RBM19: variants seen among roughly 807,000 people sequenced by gnomAD.
RBM19 encodes probable RNA-binding protein 19.
RBM19 carries 94 observed loss-of-function variants against 116.8 expected under a neutral mutation model. The observed-to-expected ratio is 0.80, with a 90% confidence interval of 0.68 to 0.95. The LOEUF (loss-of-function observed/expected upper bound fraction) is 0.95, where lower values mean the gene tolerates loss of function less well. Ranked by LOEUF, RBM19 falls within the 40% of genes least tolerant of loss-of-function variation. The pLI, the probability that RBM19 is intolerant of heterozygous loss-of-function variation, is 0.00. For synonymous variants in RBM19, 475 were observed against 494.1 expected (o/e 0.96, Z 0.51); for missense variants, 1,161 against 1,220.7 (o/e 0.95, Z 0.73).
chr12:113,876,607 A>G (rs1879685307), intron 21 of RBM19, among the ~76,000 whole-genome samples: 2 of 152,016 alleles, frequency 1.3e-5, no homozygotes, highest in Admixed American at 6.6e-5. Flanking sequence ...CCTGGGCAAC[A>G]TGGTGAAACC....
rs570940315 is a variant in RBM19 at position 113,923,785 on chromosome 12, G to A, written c.2305+912C>T. 1.1e-4 allele frequency among the ~76,000 whole-genome samples: 17 copies of A among 152,286 alleles called. No homozygotes were observed. In the South Asian group the frequency reaches 1.9e-3, roughly 17 times the overall value. On this transcript the variant is annotated intron_variant, in intron 18 of 23. Transcript: ENST00000261741. ...TGTCCCTGCCATCCAACCCCTTGCT[G>A]CACTCTGCTGTAACCACCAGCACAT... is the stretch of plus-strand genomic sequence containing the variant.
chr12:113,849,534 TGGG>T (rs1877283015), intron 22 of RBM19, among the ~76,000 whole-genome samples: 2 of 152,138 alleles, frequency 1.3e-5, no homozygotes, highest in Non-Finnish European at 2.9e-5. Flanking sequence ...TCCAGACGAG[TGGG>T]ACATTTGGCC....
intron 21 of RBM19, among the ~76,000 whole-genome samples, chr12:113,871,276 C>T (rs766792594): frequency 6.6e-6 from 1 of 152,260 alleles, no homozygotes; most frequent in Non-Finnish European, 1.5e-5. Context: ...CTTGGCCCTG[C>T]CCCGTGGCCC....
chr12:113,923,183 AAT>A (rs1868739901), intron 18 of RBM19, among the ~76,000 whole-genome samples: 1 of 152,216 alleles, frequency 6.6e-6, no homozygotes, highest in Non-Finnish European at 1.5e-5. Flanking sequence ...CCCTAAATCC[AAT>A]ATGATTGGAT....
intron 2 of RBM19, 80 bp from the exon 3 acceptor site, chr12:113,960,258 G>C (rs545510059): frequency 6.3e-7 from 1 of 1,587,102 alleles, no homozygotes; most frequent in Non-Finnish European, 8.6e-7. Flanking sequence ...CTGGGAGCTC[G>C]GGCATTTCAG....
chr12:113,918,678 C>T (rs1044295787), intron 19 of RBM19, among the ~76,000 whole-genome samples: 11 of 152,326 alleles, frequency 7.2e-5, no homozygotes, highest in African/African-American at 2.6e-4. Context: ...TCTCTTAAGC[C>T]ACAGGTAGGC....
intron 23 of RBM19, among the ~76,000 whole-genome samples, chr12:113,844,115 G>C (rs558976297): frequency 8.6e-4 from 131 of 152,346 alleles, no homozygotes; most frequent in African/African-American, 3.1e-3. Context: ...GCCACCACCT[G>C]AATAGTCACT....
chr12:113,834,050 T>G (rs1875668672), intron 23 of RBM19, among the ~76,000 whole-genome samples: 1 of 152,186 alleles, frequency 6.6e-6, no homozygotes, highest in African/African-American at 2.4e-5. Context: ...CAACCATATT[T>G]TACCCTTTCT....
At chr12:113,950,907 CCA>C (rs1871411525) in intron 8 of RBM19, among the ~76,000 whole-genome samples, 1 of 152,090 alleles carries the variant, frequency 6.6e-6, no homozygotes, top group Admixed American at 6.5e-5. Flanking sequence ...CTCTCCATGG[CCA>C]CACCCTAGGC....
chr12:113,861,173 C>T (rs1437973078), intron 21 of RBM19, among the ~76,000 whole-genome samples: 1 of 152,218 alleles, frequency 6.6e-6, no homozygotes, highest in African/African-American at 2.4e-5. Context: ...ACTCAACCCG[C>T]TTGCATCATC....
intron 16 of RBM19, among the ~76,000 whole-genome samples, chr12:113,931,797 T>C (rs1290045697): frequency 6.6e-6 from 1 of 152,172 alleles, no homozygotes; most frequent in African/African-American, 2.4e-5. Context: ...AGGGAGCTCA[T>C]CCTGTCCACT....
In RBM19 at chr12:113,937,077, G is replaced by C; in HGVS notation, c.1998C>G (p.Ala666=). ...WAPVGVFSST[A]PQKKKLQDTP... ...TGTCTTGGAGCTTTTTCTTCTGTGG[G>C]GCTGTGCTGGAGAAGACGCCAACTG... The change falls in exon 16 of 24, where the codon GCC becomes GCG. Residue 666 remains alanine, a synonymous_variant. Transcript: ENST00000261741. The C allele has an allele frequency of 1.2e-6, 2 of 1,614,062 alleles. No individual in the cohort carries two copies. Among genetic ancestry groups the C allele is most frequent in the Non-Finnish European group, 1.7e-6 (2 of 1,179,980 alleles).
In RBM19 at chr12:113,851,000, C is replaced by G. The variant is rs61472751; in HGVS notation, c.2665-6212G>C. The stretch of plus-strand genomic sequence containing the variant: ...CCCTGGGGTGTTTTAACGCCATCAC[C>G]CTGAGAGAGAGATAGATCCTTTCCT... On this transcript the variant is annotated intron_variant, in intron 22 of 23. Transcript: ENST00000261741. Among the ~76,000 whole-genome samples, 657 of 152,304 alleles carry G rather than the reference C, an allele frequency of 4.3e-3. 7 individuals are homozygous for G. Among genetic ancestry groups the G allele is most frequent in the African/African-American group, 0.014 (597 of 41,560 alleles).
chr12:113,940,151 C>T lies in RBM19; in HGVS notation c.1747G>A (p.Glu583Lys). 6.2e-7 allele frequency: 1 copy of T among 1,612,714 alleles called. No individual in the cohort carries two copies. Among genetic ancestry groups the T allele is most frequent in the Non-Finnish European group, 8.5e-7 (1 of 1,179,108 alleles). ...SLDSFSQAAAERSKTVILVKN... is the reference protein window; with the variant it reads ...SLDSFSQAAAKRSKTVILVKN... Reference sequence around the variant, plus strand: ...ACCAGAATCACAGTCTTGCTTCGCTCTGCTGCAGCCTGCAAAGAGGAAATG... The same window carrying T: ...ACCAGAATCACAGTCTTGCTTCGCTTTGCTGCAGCCTGCAAAGAGGAAATG... Residue 583 changes from glutamate to lysine, a missense_variant, in exon 15 of 24, where the codon GAG (glutamate) becomes AAG (lysine). By Grantham distance (56) the Glu-to-Lys change is moderately conservative. Transcript: ENST00000261741.
At chr12:113,908,730 C>G (rs1451627021) in intron 21 of RBM19, among the ~76,000 whole-genome samples, 3 of 152,094 alleles carry the variant, frequency 2.0e-5, no homozygotes, top group Non-Finnish European at 1.5e-5. Flanking sequence ...GGAGGGAGAG[C>G]TGGTTGTGCT....
At chr12:113,826,288 T>C (rs953253693) in intron 23 of RBM19, among the ~76,000 whole-genome samples, 2 of 152,260 alleles carry the variant, frequency 1.3e-5, no homozygotes, top group African/African-American at 4.8e-5. Flanking sequence ...TCTGTCTTCC[T>C]GGCTGGAACA....
intron 8 of RBM19, 96 bp downstream of exon 8, chr12:113,952,416 A>C (rs1460501625): frequency 8.8e-7 from 1 of 1,133,646 alleles, no homozygotes; most frequent in Non-Finnish European, 1.3e-6. Flanking sequence ...AGGAAGAAAA[A>C]CGGGTGCCCT....
In RBM19 at chr12:113,959,321, C is replaced by T. The variant is rs1342941590; in HGVS notation, c.462G>A (p.Leu154=). 1.2e-6 allele frequency: 2 copies of T among 1,614,038 alleles called. No individual in the cohort carries two copies. The highest frequency in any genetic ancestry group is 1.1e-5 in the South Asian group (1 of 91,074). ...TCTTCCCTTTCGAGGGCTCAGCATC[C>T]AGGCCATCATTCGCCCAAGTGGCTG... The part of the protein sequence containing the change: ...AQAATWANDG[L]DAEPSKGKSK... The change falls in exon 5 of 24, where the codon CTG becomes CTA. Residue 154 remains leucine, a synonymous_variant. Coordinates refer to ENST00000261741, the MANE Select transcript of RBM19 (RefSeq NM_016196.4).
chr12:113,847,145 G>A (rs946935602), intron 22 of RBM19, among the ~76,000 whole-genome samples: 2 of 152,184 alleles, frequency 1.3e-5, no homozygotes, highest in Admixed American at 6.5e-5. Context: ...GGGGCTGGCT[G>A]TGAGATTTAC....
Sources: allele counts gnomAD v4.1 joint callset (sites outside exome capture counted in the v4.1 genomes callset), GRCh38; gene constraint gnomAD v4.1.1; transcripts MANE v1.5; gene names NCBI Gene and HGNC (gene_info 2026-07-23, HGNC 2026-07-21).